Variants in TSHZ2 observed in about 807,000 individuals in gnomAD.
TSHZ2 encodes the protein teashirt homolog 2.
TSHZ2 carries 21 observed loss-of-function variants against 74.4 expected under a neutral mutation model. The ratio of observed to expected loss-of-function variants is 0.28; its 90% CI spans 0.20 to 0.41. The LOEUF is 0.41. Among genes scored for constraint, TSHZ2 ranks in the 10% least tolerant of loss-of-function variants. The probability of loss-of-function intolerance (pLI) is 1.00; values close to 1 mark genes in which losing one functional copy is unlikely to be tolerated. For synonymous variants in TSHZ2, 540 were observed against 515.3 expected (o/e 1.05, Z -0.65); for missense variants, 1,244 against 1,293.5 (o/e 0.96, Z 0.59).
intron 1 of TSHZ2, among the ~76,000 whole-genome samples, chr20:52,989,063 C>T (rs1981877874): frequency 6.6e-6 from 1 of 151,008 alleles, no homozygotes; most frequent in Non-Finnish European, 1.5e-5. Flanking sequence ...TAAATGAGTA[C>T]TCCAAATAAT....
intron 1 of TSHZ2, among the ~76,000 whole-genome samples, chr20:53,250,896 G>A (rs1456313433): frequency 1.1e-5 from 1 of 91,612 alleles, no homozygotes; most frequent in Non-Finnish European, 2.1e-5. Context: ...TACTGGGTGG[G>A]CAGATTGTGT....
At chr20:53,022,770 G>A (rs1983291480) in intron 1 of TSHZ2, among the ~76,000 whole-genome samples, 1 of 152,150 alleles carries the variant, frequency 6.6e-6, no homozygotes, top group East Asian at 1.9e-4. Flanking sequence ...CATGAATAAT[G>A]TTATTCACAG....
intron 1 of TSHZ2, among the ~76,000 whole-genome samples, chr20:53,080,786 G>A (rs1985509618): frequency 6.6e-6 from 1 of 152,164 alleles, no homozygotes; most frequent in African/African-American, 2.4e-5. Flanking sequence ...CGGCCCAGGG[G>A]CTGGGGACAC....
intron 1 of TSHZ2, among the ~76,000 whole-genome samples, chr20:53,032,977 G>A (rs76962334): frequency 0.045 from 6,787 of 152,254 alleles, 339 homozygotes; most frequent in South Asian, 0.12. Context: ...ATAACAGTAT[G>A]TACAAAGGGA....
chr20:53,358,362 A>G lies in TSHZ2; in HGVS notation c.*8+101791A>G, dbSNP rs1197178766. On this transcript the variant is annotated intron_variant, in intron 2 of 2. Coordinates refer to ENST00000371497, the MANE Select transcript of TSHZ2 (RefSeq NM_173485.6). ...TTTTTTTTTTTTTTTTTTTTCCCAA[A>G]CAGAGTCTCATTCTGTCACCCAGGC... is the stretch of plus-strand genomic sequence containing the variant. Among the ~76,000 whole-genome samples the G allele has an allele frequency of 4.3e-5, 6 of 139,516 alleles. No homozygotes were observed. In the East Asian group the frequency reaches 1.0e-3, roughly 24 times the overall value. 91.5% of individuals were successfully genotyped at this position (139,516 alleles called of 152,430 possible). A position where few individuals can be genotyped will look rare whatever the true frequency, so the allele number is the denominator to read the frequency against.
chr20:53,293,326 G>T (rs1244355460), intron 2 of TSHZ2, among the ~76,000 whole-genome samples: 1 of 152,088 alleles, frequency 6.6e-6, no homozygotes, highest in Non-Finnish European at 1.5e-5. Context: ...AGCCAGGCCT[G>T]GTGGTGCAGG....
intron 2 of TSHZ2, among the ~76,000 whole-genome samples, chr20:53,279,231 C>G (rs1231469638): frequency 6.6e-6 from 1 of 152,178 alleles, no homozygotes; most frequent in African/African-American, 2.4e-5. Context: ...AAGTGACCCA[C>G]ACAGTTCAAG....
At chr20:53,110,685 T>C (rs908591391) in intron 1 of TSHZ2, among the ~76,000 whole-genome samples, 2 of 151,622 alleles carry the variant, frequency 1.3e-5, no homozygotes, top group African/African-American at 2.4e-5. Context: ...ATTCAGACCA[T>C]AGTGAATCCA....
At position 53,436,535 on chromosome 20, in the gene TSHZ2, TA is replaced by T. The variant is rs1283232496; in HGVS notation, c.*9-50608del. Among the ~76,000 whole-genome samples, 898 of 103,054 alleles carry T rather than the reference TA, an allele frequency of 8.7e-3. 14 individuals carry two copies. The highest frequency in any genetic ancestry group is 0.035 in the African/African-American group (858 of 24,504). 67.6% of individuals were successfully genotyped at this position (103,054 alleles called of 152,430 possible). A position where few individuals can be genotyped will look rare whatever the true frequency, so the allele number is the denominator to read the frequency against. On this transcript the variant is annotated intron_variant, in intron 2 of 2. Coordinates refer to ENST00000371497, the MANE Select transcript of TSHZ2 (RefSeq NM_173485.6). ...GCTTATTTTATTTATTTATTATTAT[TA>T]TTATTATTATTATTTTTTTTTTTTT... is the stretch of plus-strand genomic sequence containing the variant.
At chr20:53,219,352 C>T (rs1047315311) in intron 1 of TSHZ2, among the ~76,000 whole-genome samples, 2 of 152,300 alleles carry the variant, frequency 1.3e-5, no homozygotes, top group East Asian at 3.9e-4. Context: ...AAGCAAGTGG[C>T]AGTGTTGCTT....
At chr20:53,042,434 A>G (rs1265264044) in intron 1 of TSHZ2, among the ~76,000 whole-genome samples, 1 of 152,228 alleles carries the variant, frequency 6.6e-6, no homozygotes, top group Non-Finnish European at 1.5e-5. Flanking sequence ...ATACATTCGT[A>G]TATATACACA....
At chr20:53,274,202 G>A (rs1309232829) in intron 2 of TSHZ2, among the ~76,000 whole-genome samples, 4 of 152,140 alleles carry the variant, frequency 2.6e-5, no homozygotes, top group East Asian at 1.9e-4. Context: ...CCTGGGAGAC[G>A]GAGATTGCAG....
chr20:53,468,163 T>C (rs960613537), intron 2 of TSHZ2, among the ~76,000 whole-genome samples: 21 of 152,292 alleles, frequency 1.4e-4, no homozygotes, highest in Non-Finnish European at 2.9e-4. Context: ...GTGGAGTAGA[T>C]AGCAGAGAAT....
chr20:53,137,411 C>G (rs768665668), intron 1 of TSHZ2, among the ~76,000 whole-genome samples: 1 of 149,858 alleles, frequency 6.7e-6, no homozygotes, highest in Non-Finnish European at 1.5e-5. Context: ...CATAACTGTT[C>G]GTTAGGCATT....
intron 1 of TSHZ2, among the ~76,000 whole-genome samples, chr20:53,017,248 T>C (rs1479887183): frequency 6.6e-6 from 1 of 152,158 alleles, no homozygotes; most frequent in Non-Finnish European, 1.5e-5. Context: ...ATTAGTAACT[T>C]ACCCATCATC....
At chr20:53,364,120 G>A (rs577064425) in intron 2 of TSHZ2, among the ~76,000 whole-genome samples, 5 of 152,064 alleles carry the variant, frequency 3.3e-5, no homozygotes, top group South Asian at 2.1e-4. Flanking sequence ...AGGGATAAAT[G>A]GCAACAGACA....
intron 1 of TSHZ2, among the ~76,000 whole-genome samples, chr20:53,143,539 A>G (rs1987461748): frequency 1.3e-5 from 2 of 152,086 alleles, no homozygotes; most frequent in African/African-American, 4.8e-5. Flanking sequence ...TAAAAATACA[A>G]AAATTAGCCG....
At chr20:53,364,055 A>G (rs1477719680) in intron 2 of TSHZ2, among the ~76,000 whole-genome samples, 1 of 152,200 alleles carries the variant, frequency 6.6e-6, no homozygotes, top group Non-Finnish European at 1.5e-5. Context: ...AAGAAACAGG[A>G]GAGGGGAAGA....
At chr20:53,329,353 T>A (rs1047006448) in intron 2 of TSHZ2, among the ~76,000 whole-genome samples, 1 of 151,878 alleles carries the variant, frequency 6.6e-6, no homozygotes, top group African/African-American at 2.4e-5. Flanking sequence ...ACTAAAAGAG[T>A]CTGTCTTCTC....
Sources: allele counts gnomAD v4.1 joint callset (sites outside exome capture counted in the v4.1 genomes callset), GRCh38; gene constraint gnomAD v4.1.1; transcripts MANE v1.5; gene names NCBI Gene and HGNC (gene_info 2026-07-23, HGNC 2026-07-21).